Variants in MYH2 observed in about 807,000 individuals in gnomAD.
The protein encoded by MYH2 is myosin heavy chain 2, also known as myosin-2.
A neutral mutation model predicts 228.1 loss-of-function variants in MYH2; 139 were observed. That is an observed-to-expected ratio of 0.61 (90% confidence interval 0.53 to 0.70). The LOEUF is 0.70. Ranked by LOEUF, MYH2 falls within the 30% of genes least tolerant of loss-of-function variation. The pLI, the probability that MYH2 is intolerant of heterozygous loss-of-function variation, is 0.00. For synonymous variants in MYH2, 796 were observed against 871.1 expected (o/e 0.91, Z 1.52); for missense variants, 1,809 against 2,357.5 (o/e 0.77, Z 4.82).
chr17:10,542,303 AT>A (rs2073566917), intron 10 of MYH2, among the ~76,000 whole-genome samples: 1 of 152,176 alleles, frequency 6.6e-6, no homozygotes, highest in African/African-American at 2.4e-5. Context: ...AAACAAAACT[AT>A]TGTAATCCAA....
At position 10,525,626 on chromosome 17, in the gene MYH2, C is replaced by T; in HGVS notation, c.4372-10G>A. ...TCCATTCTGCCAGGATCTGAAAAAC[C>T]AAGACCTGTTACCTGCTGCAAAGAC... On this transcript the variant is annotated splice_polypyrimidine_tract_variant and intron_variant, in intron 31 of 39. Transcript: ENST00000245503. This position sits in a 1 kb window ranked among gnomAD's most constrained non-coding sequence, Gnocchi z 4.2. 6.2e-7 allele frequency: 1 copy of T among 1,614,102 alleles called. No individual in the cohort carries two copies. The highest frequency in any genetic ancestry group is 8.5e-7 in the Non-Finnish European group (1 of 1,180,006).
chr17:10,530,215 C>T (rs2073409120), intron 22 of MYH2, 141 bp from the exon 23 acceptor site: 1 of 1,390,068 alleles, frequency 7.2e-7, no homozygotes, highest in African/African-American at 1.4e-5. Flanking sequence ...TTTCATGAAC[C>T]ACCCTACTGT....
At chr17:10,540,930 T>C (rs1311689649) in intron 10 of MYH2, among the ~76,000 whole-genome samples, 1 of 152,210 alleles carries the variant, frequency 6.6e-6, no homozygotes, top group Non-Finnish European at 1.5e-5. Context: ...CTGCATTCTC[T>C]GAACATAAAT....
rs775405631 is a variant in MYH2 at position 10,540,705 on chromosome 17, C to T, written c.905-8G>A. The stretch of plus-strand genomic sequence containing the variant: ...TGGTAATCAGAAGCATTTCTAAGTA[C>T]AGGAAACAGAACAAAGATAAACATA... On this transcript the variant is annotated splice_region_variant and splice_polypyrimidine_tract_variant and intron_variant, in intron 10 of 39. Coordinates refer to ENST00000245503, the MANE Select transcript of MYH2 (RefSeq NM_017534.6). 16 of 1,570,968 alleles carry T rather than the reference C, an allele frequency of 1.0e-5. No individual in the cohort carries two copies. Among genetic ancestry groups the T allele is most frequent in the Admixed American group, 1.7e-5 (1 of 59,930 alleles).
In MYH2 at chr17:10,521,244, G is replaced by T. The variant is rs1231551087; in HGVS notation, c.*36C>A. On this transcript the variant is annotated 3_prime_UTR_variant, in exon 40 of 40. Coordinates refer to ENST00000245503, the MANE Select transcript of MYH2 (RefSeq NM_017534.6). The stretch of plus-strand genomic sequence containing the variant: ...AATGACCAAAGATGTCACATTTTGT[G>T]CCTGTCTTCAGTCATTCCATGGCAT... 2 of 1,609,532 alleles carry T rather than the reference G, an allele frequency of 1.2e-6. No individual in the cohort carries two copies. The highest frequency in any genetic ancestry group is 2.7e-5 in the African/African-American group (2 of 74,828).
In MYH2 at chr17:10,543,058, T is replaced by C. The variant is rs373608795; in HGVS notation, c.805+40A>G. On this transcript the variant is annotated intron_variant, in intron 9 of 39. Coordinates refer to ENST00000245503, the MANE Select transcript of MYH2 (RefSeq NM_017534.6). The stretch of plus-strand genomic sequence containing the variant: ...GATTTTTGGTCAGTTTTTTAGGTCA[T>C]ATGAATCAGAAATGATTTTAAAGAT... 11 of 1,595,462 alleles carry C rather than the reference T, an allele frequency of 6.9e-6. No homozygotes were observed. The African/African-American group carries it at 1.5e-4, about 21-fold the overall frequency.
At chr17:10,528,047 CTTTT>C (rs71365770) in intron 27 of MYH2, among the ~76,000 whole-genome samples, 173 bp from the exon 28 acceptor site, 1 of 131,872 alleles carries the variant, frequency 7.6e-6, no homozygotes, top group Non-Finnish European at 1.6e-5. Context: ...TTCTTTCTTT[CTTTT>C]TTTTTTTTTT....
chr17:10,545,279 C>A, intron 5 of MYH2, 67 bp downstream of exon 5: 1 of 1,611,256 alleles, frequency 6.2e-7, no homozygotes, highest in Admixed American at 1.7e-5. Flanking sequence ...GAGATTGCCT[C>A]GAGTCTCTTT....
At chr17:10,546,256 GATATATATATATATATATATAT>G (rs71139049) in intron 4 of MYH2, among the ~76,000 whole-genome samples, 2 of 66,102 alleles carry the variant, frequency 3.0e-5, no homozygotes, top group Admixed American at 2.1e-4. Flanking sequence ...GACACGAAAT[GATATATATATATATATATATAT>G]ATATATATAT....
chr17:10,521,405 T>C lies in MYH2; in HGVS notation c.5701A>G (p.Lys1901Glu), dbSNP rs1194067698. Residue 1901 changes from lysine to glutamate, a missense_variant, in exon 40 of 40, where the codon AAA (lysine) becomes GAA (glutamate). Lys to Glu is a moderately conservative substitution (Grantham distance 56). This residue lies in a region of MYH2 where 278 missense variants were observed against 308.5 expected (regional missense o/e 0.90). Transcript: ENST00000245503. ...AEEQSNTNLA[K>E]FRKLQHELEE... Reference sequence around the variant, plus strand: ...AGCTCATGCTGGAGCTTGCGGAATTTAGCTAGATTGGTGTTGGATTGTTCC... The same window carrying C: ...AGCTCATGCTGGAGCTTGCGGAATTCAGCTAGATTGGTGTTGGATTGTTCC... 4 of 1,614,150 alleles carry C rather than the reference T, an allele frequency of 2.5e-6. No individual in the cohort carries two copies. Among genetic ancestry groups the C allele is most frequent in the Non-Finnish European group, 3.4e-6 (4 of 1,179,988 alleles).
In MYH2 at chr17:10,533,651, C is replaced by A; in HGVS notation, c.2181-19G>T. 1 of 1,613,022 alleles carries A rather than the reference C, an allele frequency of 6.2e-7. No individual in the cohort carries two copies. Among genetic ancestry groups the A allele is most frequent in the Non-Finnish European group, 8.5e-7 (1 of 1,179,070 alleles). On this transcript the variant is annotated intron_variant, in intron 19 of 39. Coordinates refer to ENST00000245503, the MANE Select transcript of MYH2 (RefSeq NM_017534.6). ...CTTGTATCTGTTGAAGTACATATAG[C>A]TTTTAACAACTAGTTTACTGATGAC... is the stretch of plus-strand genomic sequence containing the variant.
At position 10,543,723 on chromosome 17, in the gene MYH2, G is replaced by A. The variant is rs2073588667; in HGVS notation, c.729C>T (p.Asn243=). 2 of 1,614,086 alleles carry A rather than the reference G, an allele frequency of 1.2e-6. No individual in the cohort carries two copies. The highest frequency in any genetic ancestry group is 1.3e-5 in the African/African-American group (1 of 74,944). The change falls in exon 8 of 40, where the codon AAC becomes AAT. Residue 243 remains asparagine, a synonymous_variant. Transcript: ENST00000245503. ...CCAAGAGACTTACAAAGCGAGAGGA[G>A]TTGTCATTCCTCACGGTCTTGGCGT... The part of the protein sequence containing the change: ...FGNAKTVRND[N]SSRFGKFIRI...
At chr17:10,526,890 G>A in intron 29 of MYH2, 48 bp downstream of exon 29, 2 of 1,612,842 alleles carry the variant, frequency 1.2e-6, no homozygotes, top group Non-Finnish European at 1.7e-6. Flanking sequence ...CAGGCTCCAT[G>A]TAGAATCAGC....
intron 35 of MYH2, 95 bp from the exon 36 acceptor site, chr17:10,523,979 G>A: frequency 1.6e-6 from 2 of 1,229,948 alleles, no homozygotes; most frequent in Non-Finnish European, 2.3e-6. Context: ...AAATTTGCAA[G>A]TCAAAAAATG....
At chr17:10,529,288 C>T (rs766199474) in intron 25 of MYH2, 36 bp from the exon 26 acceptor site, 68 of 1,613,814 alleles carry the variant, frequency 4.2e-5, no homozygotes, top group Middle Eastern at 1.6e-4. Flanking sequence ...CAATTTAGTC[C>T]GTATCTAATG....
intron 14 of MYH2, among the ~76,000 whole-genome samples, chr17:10,538,346 A>G (rs1347431003): frequency 7.2e-5 from 11 of 152,132 alleles, no homozygotes; most frequent in Admixed American, 7.2e-4. Context: ...CAAGTATTAT[A>G]TAAAGTATGA....
intron 14 of MYH2, among the ~76,000 whole-genome samples, chr17:10,538,326 A>G: frequency 6.6e-6 from 1 of 151,882 alleles, no homozygotes. Flanking sequence ...AAAAAAAAAG[A>G]TCAAGATACC....
At chr17:10,541,783 T>C (rs2073558756) in intron 10 of MYH2, among the ~76,000 whole-genome samples, 1 of 152,210 alleles carries the variant, frequency 6.6e-6, no homozygotes, top group South Asian at 2.1e-4. Flanking sequence ...TTTCCCTTTA[T>C]TTCTCAGACC....
chr17:10,546,618 G>T (rs1169734497), intron 4 of MYH2, among the ~76,000 whole-genome samples: 2 of 151,950 alleles, frequency 1.3e-5, no homozygotes, highest in Admixed American at 1.3e-4. Flanking sequence ...AACATGGTTA[G>T]TGTTAAGGCA....
Sources: gnomAD v4.1 joint callset for allele counts (sites outside exome capture counted in the v4.1 genomes callset) on GRCh38, gnomAD v4.1.1 for gene constraint, gnomAD v4.1.1 regional missense constraint, Gnocchi (gnomAD v3.1) non-coding constraint, MANE v1.5 for transcripts, NCBI Gene and HGNC (gene_info 2026-07-23, HGNC 2026-07-21) for gene names.